The following CORO7 variants were observed in gnomAD, a reference collection of about 807,000 sequenced individuals.
CORO7 encodes coronin-7.
A neutral mutation model predicts 126.6 loss-of-function variants in CORO7; 107 were observed. The observed-to-expected ratio is 0.85, with a 90% CI of 0.72 to 0.99. CORO7 has a LOEUF of 0.99. Ranked by LOEUF, CORO7 falls within the 50% of genes least tolerant of loss-of-function variation. CORO7 has a pLI of 0.00. For synonymous variants in CORO7, 603 were observed against 536.8 expected, an observed-to-expected ratio of 1.12 and a Z score of -1.70; for missense variants, 1,314 against 1,255.8, an observed-to-expected ratio of 1.05 and a Z score of -0.70.
intron 6 of CORO7, among the ~76,000 whole-genome samples, chr16:4,401,158 C>T (rs1185755494): frequency 1.3e-5 from 2 of 152,150 alleles, no homozygotes; most frequent in Non-Finnish European, 2.9e-5. Flanking sequence ...AGAACTTAGA[C>T]CTGGTCATGG....
chr16:4,401,215 G>T (rs2055792768), intron 6 of CORO7, among the ~76,000 whole-genome samples: 1 of 152,224 alleles, frequency 6.6e-6, no homozygotes, highest in African/African-American at 2.4e-5. Flanking sequence ...ATTCGAGGAA[G>T]GTAAAATAGC....
intron 19 of CORO7, among the ~76,000 whole-genome samples, 154 bp from the exon 20 acceptor site, chr16:4,360,702 C>G (rs1304303927): frequency 6.9e-6 from 1 of 144,420 alleles, no homozygotes; most frequent in Admixed American, 6.9e-5. Context: ...TCACTGCTGG[C>G]CCCCCTCTCC....
chr16:4,355,845 A>G (rs1351339748), intron 26 of CORO7, among the ~76,000 whole-genome samples: 1 of 150,698 alleles, frequency 6.6e-6, no homozygotes, highest in Non-Finnish European at 1.5e-5. Context: ...TGGTGCAATC[A>G]TGGCTCACTG....
intron 19 of CORO7, 60 bp from the exon 20 acceptor site, chr16:4,360,608 C>A: frequency 6.5e-7 from 1 of 1,536,034 alleles, no homozygotes; most frequent in South Asian, 1.2e-5. Context: ...CACCTCTCCC[C>A]ACTGCTCCTG....
chr16:4,363,635 C>G (rs901282456), intron 14 of CORO7, among the ~76,000 whole-genome samples: 9 of 151,988 alleles, frequency 5.9e-5, no homozygotes, highest in African/African-American at 2.2e-4. Flanking sequence ...TTGCTTGAAA[C>G]TGGGAGGCGG....
At chr16:4,371,755 G>A (rs1012365035) in intron 9 of CORO7, 1 of 152,210 alleles carries the variant, frequency 6.6e-6, no homozygotes, top group African/African-American at 2.4e-5. Flanking sequence ...GTCTCCACGC[G>A]GCTCCGCCCC....
At chr16:4,387,928 C>T in intron 9 of CORO7, 58 bp downstream of exon 9, 10 of 1,598,682 alleles carry the variant, frequency 6.3e-6, no homozygotes, top group Non-Finnish European at 8.5e-6. Context: ...CAGGTGCCCT[C>T]ACCTGCGGCG....
chr16:4,407,583 G>A lies in CORO7; in HGVS notation c.405C>T (p.His135=), dbSNP rs749579178. 1.9e-6 allele frequency: 3 copies of A among 1,591,152 alleles called. No individual in the cohort carries two copies. The highest frequency in any genetic ancestry group is 2.6e-6 in the Non-Finnish European group (3 of 1,168,868). ...EDLPVEVLQF[H]PTSDGILVSA... is the part of the protein sequence containing the mutation. ...TCACCAGAATGCCGTCAGAGGTGGG[G>A]TGGAACTGCAGTACCTCCACTGGGA... The change falls in exon 5 of 28, where the codon CAC becomes CAT. Residue 135 remains histidine, a synonymous_variant. Transcript: ENST00000251166.
rs949032555 is a variant in CORO7, at chr16:4,362,414, G to A, written c.1402+198C>T. On this transcript the variant is annotated intron_variant, in intron 15 of 27. Coordinates refer to ENST00000251166, the MANE Select transcript of CORO7 (RefSeq NM_024535.5). The surrounding 1 kb of genome is among the most constrained non-coding windows in gnomAD (Gnocchi z 5.3). ...GGCTGCTCAGAAGCTGGTGGCCCCAGCCGCCCTCCTATTTTGCAGGTGAGA... is the reference window on the plus strand; with the variant it reads ...GGCTGCTCAGAAGCTGGTGGCCCCAACCGCCCTCCTATTTTGCAGGTGAGA... Among the ~76,000 whole-genome samples the A allele has an allele frequency of 1.3e-5, 2 of 152,154 alleles. No homozygotes were observed. The highest frequency in any genetic ancestry group is 2.9e-5 in the Non-Finnish European group (2 of 68,016).
chr16:4,387,331 C>T (rs1171407335), intron 9 of CORO7, among the ~76,000 whole-genome samples: 2 of 152,102 alleles, frequency 1.3e-5, no homozygotes, highest in East Asian at 3.9e-4. Flanking sequence ...CTGGCCAGGA[C>T]CCCGCCAGGC....
intron 18 of CORO7, 25 bp from the exon 19 acceptor site, chr16:4,361,110 G>C (rs1233813592): frequency 3.7e-6 from 6 of 1,613,328 alleles, no homozygotes; most frequent in Non-Finnish European, 5.1e-6. Context: ...GGGTGATCAG[G>C]AGCCCTTGGG....
intron 1 of CORO7, chr16:4,415,861 G>C: frequency 1.0e-6 from 1 of 985,634 alleles, no homozygotes; most frequent in Non-Finnish European, 1.2e-6. Context: ...GGCTTCCCCA[G>C]GCCCCACCCA....
intron 6 of CORO7, among the ~76,000 whole-genome samples, chr16:4,402,954 C>T (rs2055866504): frequency 6.6e-6 from 1 of 152,012 alleles, no homozygotes; most frequent in Non-Finnish European, 1.5e-5. Context: ...GGCAGACCTG[C>T]TCACACAGAG....
At chr16:4,406,985 T>C (rs1041773959) in intron 5 of CORO7, among the ~76,000 whole-genome samples, 5 of 148,722 alleles carry the variant, frequency 3.4e-5, no homozygotes, top group African/African-American at 1.2e-4. Flanking sequence ...TCTCACTCTG[T>C]CACCCAGGCT....
rs2141190263 is a variant in CORO7, at chr16:4,362,678, GC to G, written c.1335del (p.Ser447HisfsTer14). 3 of 1,495,876 alleles carry G rather than the reference GC, an allele frequency of 2.0e-6. No homozygotes were observed. The highest frequency in any genetic ancestry group is 2.6e-5 in the East Asian group (1 of 38,474). 92.7% of individuals were successfully genotyped at this position (1,495,876 alleles called of 1,614,324 possible). On this transcript the variant is annotated frameshift_variant, in exon 15 of 28. Coordinates refer to ENST00000251166, the MANE Select transcript of CORO7 (RefSeq NM_024535.5). LOFTEE classifies it high-confidence loss of function. This position sits in a 1 kb window ranked among gnomAD's most constrained non-coding sequence, Gnocchi z 5.3. ...LTSPSTPSSL[G>X]PSLSSTSGIG... Reference sequence around the variant, plus strand: ...ATGCCACTGGTGCTGGAGAGTGAGGGCCCCAGGCTGGAGGGCGTGGAGGGCG... The same window carrying G: ...ATGCCACTGGTGCTGGAGAGTGAGGGCCCAGGCTGGAGGGCGTGGAGGGCG...
At chr16:4,375,237 C>A (rs1003589731) in intron 9 of CORO7, among the ~76,000 whole-genome samples, 8 of 152,162 alleles carry the variant, frequency 5.3e-5, no homozygotes, top group Non-Finnish European at 1.2e-4. Flanking sequence ...ACTGAAGGCA[C>A]CCACCTGGGG....
rs1225762929 is a variant in CORO7, at chr16:4,358,375, G to A, written c.2449C>T (p.Arg817Ter). Residue 817 changes from arginine to a stop codon, truncating the protein, a stop_gained, in exon 24 of 28, where the codon CGA becomes TGA. Transcript: ENST00000251166. LOFTEE classifies it high-confidence loss of function. ...SLEPVAFRLP[R>*]VRKEFFQDDV... The stretch of plus-strand genomic sequence containing the variant: ...CAGGTCCCCACCCTCACCCGGACTC[G>A]GGGCAGCCGGAAGGCCACAGGCTCC... 4.3e-6 allele frequency: 7 copies of A among 1,612,254 alleles called. No individual in the cohort carries two copies. The highest frequency in any genetic ancestry group is 5.9e-6 in the Non-Finnish European group (7 of 1,179,650).
At position 4,364,644 on chromosome 16, in the gene CORO7, C is replaced by G; in HGVS notation, c.1090G>C (p.Val364Leu). ...EDLFPDTAGCVPATDPHSWWA... is the reference protein window; with the variant it reads ...EDLFPDTAGCLPATDPHSWWA... ...CAGCTATGGGGGTCGGTGGCAGGCACACAGCCGGCAGTGTCCGGGAACAGG... is the reference window on the plus strand; with the variant it reads ...CAGCTATGGGGGTCGGTGGCAGGCAGACAGCCGGCAGTGTCCGGGAACAGG... Residue 364 changes from valine (V) to leucine (L), a missense_variant, in exon 13 of 28, where the codon GTG becomes CTG. Val to Leu is a conservative substitution (Grantham distance 32). Coordinates refer to ENST00000251166, the MANE Select transcript of CORO7 (RefSeq NM_024535.5). 1 of 1,578,146 alleles carries G rather than the reference C, an allele frequency of 6.3e-7. No homozygotes were observed. Among genetic ancestry groups the G allele is most frequent in the African/African-American group, 1.3e-5 (1 of 74,554 alleles).
rs2055276537 is a variant in CORO7, at chr16:4,388,567, A to T, written c.680T>A (p.Leu227His). 1 of 1,612,870 alleles carries T rather than the reference A, an allele frequency of 6.2e-7. No individual in the cohort carries two copies. The highest frequency in any genetic ancestry group is 8.5e-7 in the Non-Finnish European group (1 of 1,179,768). Reference protein sequence around the residue: ...RLAWMGTWEHLVSTGFNQMRE... With the variant: ...RLAWMGTWEHHVSTGFNQMRE... ...TACCTGGTTGAATCCAGTAGACACA[A>T]GGTGCTCCCAGGTGCCCATCCATGC... Residue 227 changes from leucine to histidine, a missense_variant, in exon 8 of 28, where the codon CTT becomes CAT. Physicochemically the swap from Leu to His is moderately conservative, Grantham distance 99 (BLOSUM62 -3). Coordinates refer to ENST00000251166, the MANE Select transcript of CORO7 (RefSeq NM_024535.5).
Sources: allele counts gnomAD v4.1 joint callset (sites outside exome capture counted in the v4.1 genomes callset), GRCh38; gene constraint gnomAD v4.1.1; non-coding constraint Gnocchi (gnomAD v3.1); transcripts MANE v1.5; gene names NCBI Gene and HGNC (gene_info 2026-07-23, HGNC 2026-07-21).